Variants in BASP1 observed in about 807,000 individuals in gnomAD.
The protein encoded by BASP1 is brain abundant membrane attached signal protein 1.
A neutral mutation model predicts 2.2 loss-of-function variants in BASP1; 1 was observed. The observed-to-expected ratio is 0.46, with a 90% CI of 0.16 to 2.17. BASP1 has a LOEUF of 2.17. Among genes scored for constraint, BASP1 ranks in the 30% most tolerant of loss-of-function variants. The pLI, the probability that BASP1 is intolerant of heterozygous loss-of-function variation, is 0.27. For synonymous variants in BASP1, 187 were observed against 154.2 expected, an observed-to-expected ratio of 1.21 and a Z score of -1.58; for missense variants, 352 against 327.2, an observed-to-expected ratio of 1.08 and a Z score of -0.58.
chr5:17,224,378 A>G (rs1051886707), intron 1 of BASP1, among the ~76,000 whole-genome samples: 1 of 131,070 alleles, frequency 7.6e-6, no homozygotes. Context: ...TAGGATTTCA[A>G]TCCGTGTAGA....
intron 1 of BASP1, among the ~76,000 whole-genome samples, chr5:17,256,763 A>G (rs1740219099): frequency 1.3e-5 from 2 of 152,224 alleles, no homozygotes; most frequent in Admixed American, 1.3e-4. Flanking sequence ...CTCTAAGCCT[A>G]TAGGAAAAAA....
Position 17,275,695 on chromosome 5 carries a change from A to G in BASP1, c.479A>G (p.Gln160Arg). The G allele has an allele frequency of 6.3e-7, 1 of 1,598,770 alleles. No homozygotes were observed. Among genetic ancestry groups the G allele is most frequent in the Non-Finnish European group, 8.5e-7 (1 of 1,173,058 alleles). Residue 160 changes from glutamine to arginine, a missense_variant, in exon 2 of 2, where the codon CAG becomes CGG. Physicochemically the swap from Gln to Arg is conservative, Grantham distance 43. Transcript: ENST00000322611. The surrounding 1 kb of genome is among the most constrained non-coding windows in gnomAD (Gnocchi z 5.3). ...GAGGCGCCCGCAGCTCCTGCCGCCCAGGAGACCAAAAGTGACGGGGCCCCA... is the reference window on the plus strand; with the variant it reads ...GAGGCGCCCGCAGCTCCTGCCGCCCGGGAGACCAAAAGTGACGGGGCCCCA... ...KTEAPAAPAA[Q>R]ETKSDGAPAS...
chr5:17,223,208 G>A (rs1739425483), intron 1 of BASP1, among the ~76,000 whole-genome samples: 1 of 152,080 alleles, frequency 6.6e-6, no homozygotes, highest in Non-Finnish European at 1.5e-5. Context: ...CACCAGGTTC[G>A]AATCTTCTCT....
rs1345611740 is a variant in BASP1, at chr5:17,236,694, A to G, written c.-10+18884A>G. ...TATTTTTCATGTTATTGTTGGAAAT[A>G]AAAACCCAGAAATATTTTAATAATA... On this transcript the variant is annotated intron_variant, in intron 1 of 1. Transcript: ENST00000322611. The surrounding 1 kb of genome is among the most constrained non-coding windows in gnomAD (Gnocchi z 4.0). Among the ~76,000 whole-genome samples, 1 of 152,222 alleles carries G rather than the reference A, an allele frequency of 6.6e-6. No homozygotes were observed. The highest frequency in any genetic ancestry group is 1.5e-5 in the Non-Finnish European group (1 of 68,042).
intron 1 of BASP1, among the ~76,000 whole-genome samples, chr5:17,237,848 T>C (rs1167683605): frequency 6.6e-6 from 1 of 151,988 alleles, no homozygotes; most frequent in African/African-American, 2.4e-5. Flanking sequence ...TCACCTCAAG[T>C]GATCCACCCA....
intron 1 of BASP1, among the ~76,000 whole-genome samples, chr5:17,258,686 T>C (rs1397055953): frequency 6.6e-6 from 1 of 152,178 alleles, no homozygotes; most frequent in African/African-American, 2.4e-5. Context: ...TCCCCAAGTC[T>C]GGGGATGAAA....
At position 17,276,747 on chromosome 5, in the gene BASP1, A is replaced by T. The variant is rs996641499; in HGVS notation, c.*847A>T. On this transcript the variant is annotated 3_prime_UTR_variant, in exon 2 of 2. Coordinates refer to ENST00000322611, the MANE Select transcript of BASP1 (RefSeq NM_006317.5). ...AAAATGGAAAAAAAAAACAAAAAAA[A>T]AACAAAAAAATGTACAATGGATGCA... The T allele has an allele frequency of 4.2e-5, 7 of 166,644 alleles. No individual in the cohort carries two copies. The highest frequency in any genetic ancestry group is 1.7e-4 in the African/African-American group (7 of 41,362). 10.3% of individuals were successfully genotyped at this position (166,644 alleles called of 1,614,324 possible).
At chr5:17,267,350 G>A (rs74394422) in intron 1 of BASP1, among the ~76,000 whole-genome samples, 1 of 152,118 alleles carries the variant, frequency 6.6e-6, no homozygotes, top group Non-Finnish European at 1.5e-5. Flanking sequence ...CAGTTATGAC[G>A]CTATTTGAGA....
At chr5:17,273,857 A>G (rs1440446383) in intron 1 of BASP1, among the ~76,000 whole-genome samples, 1 of 152,076 alleles carries the variant, frequency 6.6e-6, no homozygotes, top group Non-Finnish European at 1.5e-5. Flanking sequence ...ACTAACGAGG[A>G]TAGTATAATG....
intron 1 of BASP1, among the ~76,000 whole-genome samples, chr5:17,224,684 T>C (rs1739459300): frequency 6.6e-6 from 1 of 152,246 alleles, no homozygotes; most frequent in Non-Finnish European, 1.5e-5. Flanking sequence ...AAGTCATTCC[T>C]TTCTAGTATG....
chr5:17,263,371 G>C (rs569301793), intron 1 of BASP1, among the ~76,000 whole-genome samples: 2 of 151,824 alleles, frequency 1.3e-5, no homozygotes, highest in South Asian at 4.2e-4. Context: ...CTGGGCTCAA[G>C]TGATCCTCTT....
chr5:17,235,389 T>A (rs1739720729), intron 1 of BASP1, among the ~76,000 whole-genome samples: 2 of 151,412 alleles, frequency 1.3e-5, no homozygotes, highest in African/African-American at 4.9e-5. Flanking sequence ...GCCTCCCGAG[T>A]AGCTGGGATT....
intron 1 of BASP1, among the ~76,000 whole-genome samples, chr5:17,235,536 A>G (rs1739725368): frequency 2.0e-5 from 3 of 152,136 alleles, no homozygotes; most frequent in South Asian, 2.1e-4. Context: ...TGCTAGGATT[A>G]CAGGCGTGAG....
In BASP1 at chr5:17,248,273, T is replaced by A. The variant is rs113135096; in HGVS notation, c.-9-26935T>A. 3.4e-3 allele frequency among the ~76,000 whole-genome samples: 517 copies of A among 152,348 alleles called. 1 individual carries two copies. Among genetic ancestry groups the A allele is most frequent in the African/African-American group, 0.012 (500 of 41,576 alleles). On this transcript the variant is annotated intron_variant, in intron 1 of 1. Transcript: ENST00000322611. ...CCTAGTTGATACCAAATGTCCGTTA[T>A]CTGGAGTAGCCTCTGTCGGTAGCTG... is the stretch of plus-strand genomic sequence containing the variant.
intron 1 of BASP1, among the ~76,000 whole-genome samples, chr5:17,224,867 T>C: frequency 6.6e-6 from 1 of 152,232 alleles, no homozygotes; most frequent in Admixed American, 6.5e-5. Flanking sequence ...GTGTAGTTAG[T>C]GTTGCCTGAT....
chr5:17,247,775 T>C (rs1434485559), intron 1 of BASP1, among the ~76,000 whole-genome samples: 1 of 152,246 alleles, frequency 6.6e-6, no homozygotes. Context: ...GCTTCGTATG[T>C]ACATTTTTGT....
intron 1 of BASP1, among the ~76,000 whole-genome samples, chr5:17,274,180 G>T (rs1204240575): frequency 2.6e-5 from 4 of 152,178 alleles, no homozygotes; most frequent in Non-Finnish European, 5.9e-5. Flanking sequence ...GAACGTGCAT[G>T]TATAGTTTGA....
intron 1 of BASP1, among the ~76,000 whole-genome samples, chr5:17,232,877 C>T (rs370543884): frequency 6.6e-6 from 1 of 152,124 alleles, no homozygotes; most frequent in African/African-American, 2.4e-5. Context: ...TTAGTTTTAA[C>T]TAGGATTATT....
rs10607958 is a variant in BASP1 at position 17,237,621 on chromosome 5, CT to C, written c.-10+19827del. ...GCTAGGTGAGTGTCCCCTGACATTGCTTTTTTTTTTTTTTTTCCGTGATGGA... is the reference window on the plus strand; with the variant it reads ...GCTAGGTGAGTGTCCCCTGACATTGCTTTTTTTTTTTTTTTCCGTGATGGA... On this transcript the variant is annotated intron_variant, in intron 1 of 1. Transcript: ENST00000322611. Among the ~76,000 whole-genome samples the C allele has an allele frequency of 5.9e-3, 834 of 141,236 alleles. 7 individuals are homozygous for C. Among genetic ancestry groups the C allele is most frequent in the African/African-American group, 0.012 (474 of 38,076 alleles). The allele number at this position is 141,236 out of a possible 152,430, so 92.7% of individuals were successfully genotyped here.
Sources: allele counts gnomAD v4.1 joint callset (sites outside exome capture counted in the v4.1 genomes callset), GRCh38; gene constraint gnomAD v4.1.1; non-coding constraint Gnocchi (gnomAD v3.1); transcripts MANE v1.5; gene names NCBI Gene and HGNC (gene_info 2026-07-23, HGNC 2026-07-21).